The following COL22A1 variants were observed in gnomAD, a reference collection of about 807,000 sequenced individuals.
COL22A1 encodes the protein collagen alpha-1(XXII) chain.
In COL22A1, 221 loss-of-function variants were observed where a neutral mutation model predicts 248.9. The observed-to-expected ratio is 0.89, with a 90% CI of 0.80 to 0.99. COL22A1 has a LOEUF of 0.99. Among genes scored for constraint, COL22A1 ranks in the 50% least tolerant of loss-of-function variants. The pLI, the probability that COL22A1 is intolerant of heterozygous loss-of-function variation, is 0.00. For synonymous variants in COL22A1, 891 were observed against 793.4 expected (o/e 1.12, Z -2.07); for missense variants, 2,240 against 2,179.0 (o/e 1.03, Z -0.56).
chr8:138,710,593 A>T (rs117593669), intron 30 of COL22A1, among the ~76,000 whole-genome samples: 3,771 of 47,030 alleles, frequency 0.08, 108 homozygotes, highest in East Asian at 0.33. Flanking sequence ...CCCATAATCT[A>T]TCTATCTATC....
rs1024343126 is a variant in COL22A1, at chr8:138,589,268, A to C, written c.4866T>G (p.Asn1622Lys). ...YFASLAARPG[N>K]VKGP ...CCAGAGTCCTTTAGGGACCCTTCAC[A>C]TTACCCGGCCGGGCAGCAAGGCTGG... Residue 1622 changes from asparagine (N) to lysine (K), a missense_variant, in exon 65 of 65, where the codon AAT becomes AAG. By Grantham distance (94) the Asn-to-Lys change is moderately conservative. Coordinates refer to ENST00000303045, the MANE Select transcript of COL22A1 (RefSeq NM_152888.3). The C allele has an allele frequency of 6.2e-7, 1 of 1,613,722 alleles. No individual in the cohort carries two copies. Among genetic ancestry groups the C allele is most frequent in the Non-Finnish European group, 8.5e-7 (1 of 1,179,866 alleles).
intron 22 of COL22A1, among the ~76,000 whole-genome samples, chr8:138,739,239 T>C (rs117261216): frequency 6.6e-6 from 1 of 152,168 alleles, no homozygotes; most frequent in Admixed American, 6.5e-5. Context: ...CTCATTTCCA[T>C]GTACTTTTTT....
At chr8:138,907,363 G>A (rs1235899613) in intron 1 of COL22A1, among the ~76,000 whole-genome samples, 1 of 152,200 alleles carries the variant, frequency 6.6e-6, no homozygotes, top group African/African-American at 2.4e-5. Context: ...AATAGTGTGA[G>A]CATTTATTGG....
intron 3 of COL22A1, among the ~76,000 whole-genome samples, chr8:138,846,809 T>C (rs1821280293): frequency 1.3e-5 from 2 of 152,228 alleles, no homozygotes; most frequent in African/African-American, 4.8e-5. Context: ...GAGCTCCAGA[T>C]ATGTTCCAAG....
intron 14 of COL22A1, 124 bp from the exon 15 acceptor site, chr8:138,778,530 G>T: frequency 1.2e-6 from 1 of 804,806 alleles, no homozygotes; most frequent in Non-Finnish European, 1.9e-6. Flanking sequence ...ACCAAGTGCT[G>T]CCCATGCTGT....
chr8:138,859,739 C>G (rs1004390877), intron 3 of COL22A1, among the ~76,000 whole-genome samples: 4 of 152,172 alleles, frequency 2.6e-5, no homozygotes, highest in African/African-American at 9.6e-5. Context: ...GAGGTCACCT[C>G]TGAGGATCTG....
intron 45 of COL22A1, among the ~76,000 whole-genome samples, chr8:138,653,291 A>C (rs1017828757): frequency 1.3e-5 from 2 of 152,120 alleles, no homozygotes; most frequent in Non-Finnish European, 2.9e-5. Flanking sequence ...CCGAATCTCT[A>C]TGTGACAGGC....
At chr8:138,634,895 T>C (rs748769148) in intron 49 of COL22A1, 115 bp downstream of exon 49, 73 of 776,904 alleles carry the variant, frequency 9.4e-5, no homozygotes, top group Non-Finnish European at 1.5e-4. Flanking sequence ...CTTTTGGGTG[T>C]TGGGCCATCC....
chr8:138,623,020 A>G (rs1416275571), intron 52 of COL22A1, among the ~76,000 whole-genome samples: 1 of 151,960 alleles, frequency 6.6e-6, no homozygotes, highest in Non-Finnish European at 1.5e-5. Flanking sequence ...GGCAAGAAGG[A>G]CTGACCAAAC....
intron 13 of COL22A1, among the ~76,000 whole-genome samples, 182 bp from the exon 14 acceptor site, chr8:138,779,744 C>T (rs540395564): frequency 1.9e-4 from 29 of 152,302 alleles, no homozygotes; most frequent in African/African-American, 6.0e-4. Context: ...AGCAAAGAAG[C>T]GGACCTTTGC....
intron 41 of COL22A1, among the ~76,000 whole-genome samples, chr8:138,671,888 G>A (rs1017377826): frequency 2.0e-5 from 3 of 151,876 alleles, no homozygotes; most frequent in African/African-American, 7.3e-5. Flanking sequence ...TTTTTCTCTA[G>A]CCTGCTTTGT....
chr8:138,703,599 T>G (rs947260400), intron 30 of COL22A1, among the ~76,000 whole-genome samples: 3 of 152,212 alleles, frequency 2.0e-5, no homozygotes, highest in African/African-American at 7.2e-5. Flanking sequence ...ATATGCGTAG[T>G]GGTAGATCAT....
In COL22A1 at chr8:138,878,200, C is replaced by T. The variant is rs1823899975; in HGVS notation, c.208G>A (p.Val70Met). ...CCCACACGGGTGCGGTCGGGGCCCA[C>T]CTCGAAGGTGTCCACCAGGTTGGCC... ...WVANLVDTFE[V>M]GPDRTRVGVV... Residue 70 changes from valine to methionine, a missense_variant, in exon 3 of 65, where the codon GTG becomes ATG. Val to Met is a conservative substitution (Grantham distance 21). Transcript: ENST00000303045. 6.3e-7 allele frequency: 1 copy of T among 1,598,728 alleles called. No homozygotes were observed. Among genetic ancestry groups the T allele is most frequent in the Non-Finnish European group, 8.5e-7 (1 of 1,173,318 alleles).
intron 27 of COL22A1, among the ~76,000 whole-genome samples, chr8:138,717,241 G>A (rs954434281): frequency 4.0e-5 from 6 of 151,808 alleles, no homozygotes; most frequent in African/African-American, 7.3e-5. Context: ...TCTGCCTCCC[G>A]GGTTCACACC....
At chr8:138,871,935 C>T (rs1010289021) in intron 3 of COL22A1, among the ~76,000 whole-genome samples, 1 of 152,050 alleles carries the variant, frequency 6.6e-6, no homozygotes, top group African/African-American at 2.4e-5. Context: ...AAAGGAGAGC[C>T]CCTCCATAAG....
At chr8:138,811,288 C>G (rs1163610396) in intron 9 of COL22A1, among the ~76,000 whole-genome samples, 2 of 151,634 alleles carry the variant, frequency 1.3e-5, no homozygotes, top group East Asian at 3.9e-4. Context: ...CACACACACA[C>G]ACACACATAT....
intron 1 of COL22A1, among the ~76,000 whole-genome samples, chr8:138,904,369 C>T (rs952958781): frequency 1.3e-5 from 2 of 152,046 alleles, no homozygotes; most frequent in African/African-American, 4.8e-5. Flanking sequence ...CCGCCACCCC[C>T]TGCTGGCCCA....
chr8:138,594,169 G>A lies in COL22A1; in HGVS notation c.4463C>T (p.Pro1488Leu), dbSNP rs781598213. The A allele has an allele frequency of 1.3e-6, 2 of 1,571,624 alleles. No homozygotes were observed. Among genetic ancestry groups the A allele is most frequent in the Non-Finnish European group, 1.7e-6 (2 of 1,165,456 alleles). ...TTGAGATGACTTCATGTACGCCGGG[G>A]GCATCTGGGCCAGGAGGTAGGCGAG... ...TRLAYLLAQMPPAYMKSSQGR... is the reference protein window; with the variant it reads ...TRLAYLLAQMLPAYMKSSQGR... The change falls in exon 63 of 65, where the codon CCC becomes CTC. Residue 1488 changes from proline (P) to leucine (L), a missense_variant. By Grantham distance (98) the Pro-to-Leu change is moderately conservative. Coordinates refer to ENST00000303045, the MANE Select transcript of COL22A1 (RefSeq NM_152888.3).
intron 30 of COL22A1, among the ~76,000 whole-genome samples, chr8:138,705,295 C>T (rs1333618476): frequency 6.6e-6 from 1 of 152,286 alleles, no homozygotes; most frequent in East Asian, 1.9e-4. Flanking sequence ...CACAAAGATA[C>T]TCCTCGAGAA....
Sources: allele counts gnomAD v4.1 joint callset (sites outside exome capture counted in the v4.1 genomes callset), GRCh38; gene constraint gnomAD v4.1.1; transcripts MANE v1.5; gene names NCBI Gene and HGNC (gene_info 2026-07-23, HGNC 2026-07-21).